Variants in SSH2 observed in about 807,000 individuals in gnomAD.
SSH2 encodes the protein protein phosphatase Slingshot homolog 2.
Under a neutral mutation model 135.2 loss-of-function variants are expected in SSH2, and 37 were observed. That is an observed-to-expected ratio of 0.27 (90% CI 0.21 to 0.36). SSH2 has a LOEUF of 0.36. Among genes scored for constraint, SSH2 ranks in the 10% least tolerant of loss-of-function variants. The pLI, the probability that SSH2 is intolerant of heterozygous loss-of-function variation, is 1.00. For synonymous variants in SSH2, 628 were observed against 646.2 expected, an observed-to-expected ratio of 0.97 and a Z score of 0.43; for missense variants, 1,408 against 1,765.3, an observed-to-expected ratio of 0.80 and a Z score of 3.63.
At position 29,754,813 on chromosome 17, in the gene SSH2, C is replaced by A. The variant is rs147214381; in HGVS notation, c.188+39081G>T. Among the ~76,000 whole-genome samples the A allele has an allele frequency of 6.4e-3, 974 of 152,206 alleles. 12 individuals carry two copies. Among genetic ancestry groups the A allele is most frequent in the African/African-American group, 0.02 (841 of 41,532 alleles). ...TCCCAAGTAGCTGGCACTACAGGCA[C>A]GCACCACCATGCCCAGCTAATTTTT... On this transcript the variant is annotated intron_variant, in intron 3 of 15. Coordinates refer to ENST00000540801, the MANE Select transcript of SSH2 (RefSeq NM_001282129.2).
intron 3 of SSH2, among the ~76,000 whole-genome samples, chr17:29,714,044 C>T (rs1804593060): frequency 6.6e-6 from 1 of 152,210 alleles, no homozygotes; most frequent in African/African-American, 2.4e-5. Context: ...ATTTCCCTTA[C>T]AGACTGAATC....
At chr17:29,715,419 G>A (rs1172904535) in intron 3 of SSH2, among the ~76,000 whole-genome samples, 1 of 151,514 alleles carries the variant, frequency 6.6e-6, no homozygotes, top group East Asian at 1.9e-4. Context: ...CTAATTTTTT[G>A]TATTTTTAGT....
At chr17:29,741,709 A>C (rs938515563) in intron 3 of SSH2, among the ~76,000 whole-genome samples, 21 of 143,974 alleles carry the variant, frequency 1.5e-4, no homozygotes, top group African/African-American at 5.5e-4. Context: ...TCCGCCTGCC[A>C]GTTTCAAGCT....
intron 1 of SSH2, among the ~76,000 whole-genome samples, chr17:29,849,383 G>T (rs574964422): frequency 6.6e-6 from 1 of 151,678 alleles, no homozygotes; most frequent in East Asian, 2.0e-4. Flanking sequence ...GGAGGCTGAG[G>T]CAGGAGAATG....
chr17:29,901,352 T>C (rs1007568282), intron 1 of SSH2, among the ~76,000 whole-genome samples: 2 of 152,190 alleles, frequency 1.3e-5, no homozygotes, highest in African/African-American at 4.8e-5. Context: ...AGGATAAAAT[T>C]CAATCACTAT....
chr17:29,845,538 AG>A (rs2043117482), intron 2 of SSH2, among the ~76,000 whole-genome samples: 1 of 152,228 alleles, frequency 6.6e-6, no homozygotes, highest in East Asian at 1.9e-4. Context: ...AATGAATGAA[AG>A]GCTTGGCAAT....
chr17:29,729,363 G>A (rs1192298169), intron 3 of SSH2, among the ~76,000 whole-genome samples: 3 of 152,156 alleles, frequency 2.0e-5, no homozygotes, highest in Non-Finnish European at 4.4e-5. Flanking sequence ...CAGTTAAAAC[G>A]GCTTTAATCC....
chr17:29,859,562 T>C (rs370226712), intron 1 of SSH2, among the ~76,000 whole-genome samples: 1 of 152,290 alleles, frequency 6.6e-6, no homozygotes, highest in South Asian at 2.1e-4. Context: ...TCTGTTCCCA[T>C]GTTAGTTTGC....
At chr17:29,709,998 T>A (rs985649629) in intron 3 of SSH2, among the ~76,000 whole-genome samples, 7 of 152,216 alleles carry the variant, frequency 4.6e-5, no homozygotes, top group African/African-American at 1.7e-4. Flanking sequence ...TGTTAACTGG[T>A]AGTTTCTTCT....
chr17:29,754,317 G>A (rs1021423825), intron 3 of SSH2, among the ~76,000 whole-genome samples: 1 of 152,166 alleles, frequency 6.6e-6, no homozygotes, highest in African/African-American at 2.4e-5. Flanking sequence ...TTGGAGATAA[G>A]TTCATGTGAA....
intron 15 of SSH2, among the ~76,000 whole-genome samples, chr17:29,633,754 T>TA (rs1301733344): frequency 2.0e-5 from 3 of 151,938 alleles, no homozygotes; most frequent in Non-Finnish European, 2.9e-5. Context: ...GGTCCTACTG[T>TA]AAAAAAAACA....
Position 29,626,198 on chromosome 17 carries a change from GCT to G in SSH2, c.*4641_*4642del, listed in dbSNP as rs2035494424. On this transcript the variant is annotated 3_prime_UTR_variant, in exon 16 of 16. Transcript: ENST00000540801. ...AACATGAGCATAAAAGTTTGGGGTG[GCT>G]TGGGGCAAAGGTAACAGTCAGAGGA... is the stretch of plus-strand genomic sequence containing the variant. The G allele has an allele frequency of 6.6e-6, 1 of 152,310 alleles. No individual in the cohort carries two copies. Among genetic ancestry groups the G allele is most frequent in the Non-Finnish European group, 1.5e-5 (1 of 67,980 alleles). The allele number at this position is 152,310 out of a possible 1,614,324, so 9.4% of individuals were successfully genotyped here.
chr17:29,822,649 A>T (rs2042674105), intron 2 of SSH2, among the ~76,000 whole-genome samples: 1 of 152,040 alleles, frequency 6.6e-6, no homozygotes, highest in African/African-American at 2.4e-5. Context: ...GATGTGAGCC[A>T]CCTCATCCAG....
chr17:29,808,705 C>T (rs928662523), intron 2 of SSH2, among the ~76,000 whole-genome samples: 1 of 152,132 alleles, frequency 6.6e-6, no homozygotes, highest in Non-Finnish European at 1.5e-5. Flanking sequence ...TTCTTTATCC[C>T]TTTAAAGTCA....
chr17:29,688,898 G>A (rs2038345331), intron 5 of SSH2, among the ~76,000 whole-genome samples: 1 of 152,230 alleles, frequency 6.6e-6, no homozygotes, highest in Non-Finnish European at 1.5e-5. Context: ...GCTCACGTCT[G>A]TAATCCCAAA....
chr17:29,826,246 A>G (rs1003351836), intron 2 of SSH2, among the ~76,000 whole-genome samples: 1 of 152,206 alleles, frequency 6.6e-6, no homozygotes, highest in African/African-American at 2.4e-5. Flanking sequence ...GTGACAGGGA[A>G]AATGGAATAT....
At chr17:29,893,457 G>A (rs974789848) in intron 1 of SSH2, among the ~76,000 whole-genome samples, 3 of 152,104 alleles carry the variant, frequency 2.0e-5, no homozygotes, top group Admixed American at 1.3e-4. Flanking sequence ...TATACAAGAA[G>A]TGCCATATAA....
chr17:29,743,245 T>C lies in SSH2; in HGVS notation c.189-40183A>G, dbSNP rs529121594. ...GTTCATTTTTAAGCTGAGTTCATTA[T>C]CAACTTTACTGTATATAATGGTAGA... On this transcript the variant is annotated intron_variant, in intron 3 of 15. Coordinates refer to ENST00000540801, the MANE Select transcript of SSH2 (RefSeq NM_001282129.2). Among the ~76,000 whole-genome samples, 18 of 152,350 alleles carry C rather than the reference T, an allele frequency of 1.2e-4. No homozygotes were observed. In the South Asian group the frequency reaches 2.3e-3, roughly 19 times the overall value.
chr17:29,856,872 T>A (rs1159622798), intron 1 of SSH2, among the ~76,000 whole-genome samples: 2 of 152,210 alleles, frequency 1.3e-5, no homozygotes, highest in African/African-American at 4.8e-5. Context: ...AAACTTAGTA[T>A]CTTTGTTTCA....
Sources: allele counts gnomAD v4.1 joint callset (sites outside exome capture counted in the v4.1 genomes callset), GRCh38; gene constraint gnomAD v4.1.1; transcripts MANE v1.5; gene names NCBI Gene and HGNC (gene_info 2026-07-23, HGNC 2026-07-21).